Variants in ADAM2 observed in about 807,000 individuals in gnomAD.
ADAM2 encodes the protein ADAM metallopeptidase domain 2.
Under a neutral mutation model 99.3 loss-of-function variants are expected in ADAM2, and 101 were observed. The observed-to-expected ratio is 1.02, with a 90% CI of 0.87 to 1.20. The LOEUF (loss-of-function observed/expected upper bound fraction) is 1.20. ADAM2 is among the 50% of genes most tolerant of loss of function. ADAM2 has a pLI of 0.00. For missense variants in ADAM2, 948 were observed against 878.7 expected, an observed-to-expected ratio of 1.08 and a Z score of -1.00; for synonymous variants, 323 against 287.6, an observed-to-expected ratio of 1.12 and a Z score of -1.25.
intron 16 of ADAM2, among the ~76,000 whole-genome samples, chr8:39,751,016 C>A (rs1284193571): frequency 1.3e-5 from 2 of 152,146 alleles, no homozygotes; most frequent in Non-Finnish European, 2.9e-5. Flanking sequence ...TCATAACACA[C>A]TAACTTTTAA....
chr8:39,765,590 A>T (rs1031057851), intron 14 of ADAM2, among the ~76,000 whole-genome samples: 2 of 152,244 alleles, frequency 1.3e-5, no homozygotes, highest in African/African-American at 4.8e-5. Flanking sequence ...ATCAGTAATT[A>T]AAAAGTTTGT....
chr8:39,813,855 C>T (rs1361878730), intron 6 of ADAM2, among the ~76,000 whole-genome samples: 4 of 151,624 alleles, frequency 2.6e-5, no homozygotes, highest in Admixed American at 6.6e-5. Context: ...CAACATGGCA[C>T]GTGTATACAT....
intron 18 of ADAM2, among the ~76,000 whole-genome samples, chr8:39,746,889 T>A (rs1319006438): frequency 6.6e-6 from 1 of 152,208 alleles, no homozygotes; most frequent in African/African-American, 2.4e-5. Flanking sequence ...ATGAAGAATT[T>A]TTTTTGTGAT....
intron 6 of ADAM2, among the ~76,000 whole-genome samples, chr8:39,817,273 A>T (rs1031839186): frequency 2.6e-5 from 4 of 152,296 alleles, no homozygotes; most frequent in South Asian, 4.1e-4. Flanking sequence ...TAACCTTGGC[A>T]ACTAGAAAAG....
intron 7 of ADAM2, among the ~76,000 whole-genome samples, chr8:39,796,434 T>C (rs1803951043): frequency 6.6e-6 from 1 of 152,186 alleles, no homozygotes; most frequent in East Asian, 1.9e-4. Context: ...CTTTATCCAG[T>C]CTATTATTGA....
At chr8:39,793,461 T>G (rs904117178) in intron 7 of ADAM2, among the ~76,000 whole-genome samples, 1 of 152,126 alleles carries the variant, frequency 6.6e-6, no homozygotes, top group Non-Finnish European at 1.5e-5. Context: ...GTCTGCCCTA[T>G]TTATCCATTG....
chr8:39,821,470 A>C, intron 5 of ADAM2, 116 bp downstream of exon 5: 1 of 753,250 alleles, frequency 1.3e-6, no homozygotes, highest in Non-Finnish European at 2.1e-6. Context: ...TGTGAGTGGC[A>C]GTTTTCCACA....
At chr8:39,824,655 T>C (rs1221693155) in intron 4 of ADAM2, among the ~76,000 whole-genome samples, 164 bp downstream of exon 4, 4 of 152,204 alleles carry the variant, frequency 2.6e-5, no homozygotes, top group Admixed American at 2.0e-4. Flanking sequence ...ATCTGTTTAA[T>C]AGGGCTAACT....
chr8:39,837,474 C>G (rs1159811266), intron 1 of ADAM2, among the ~76,000 whole-genome samples: 1 of 151,968 alleles, frequency 6.6e-6, no homozygotes, highest in African/African-American at 2.4e-5. Flanking sequence ...GCAACCTCCG[C>G]CTCCCGGTTT....
chr8:39,769,855 G>A (rs1802710165), intron 11 of ADAM2, among the ~76,000 whole-genome samples: 1 of 152,056 alleles, frequency 6.6e-6, no homozygotes, highest in Non-Finnish European at 1.5e-5. Context: ...AGTGCCCCAT[G>A]CTGTTTCATT....
At chr8:39,769,643 C>A in intron 11 of ADAM2, 68 bp from the exon 12 acceptor site, 2 of 1,072,442 alleles carry the variant, frequency 1.9e-6, no homozygotes, top group Non-Finnish European at 2.7e-6. Context: ...TTAGAATAAA[C>A]CTATACAACA....
chr8:39,750,897 C>T (rs1034158509), intron 16 of ADAM2, among the ~76,000 whole-genome samples: 4 of 152,028 alleles, frequency 2.6e-5, no homozygotes, highest in African/African-American at 4.8e-5. Flanking sequence ...ATACTCAAAG[C>T]GACTAATGGT....
chr8:39,837,231 G>A lies in ADAM2; in HGVS notation c.56-19C>T, dbSNP rs768174067. On this transcript the variant is annotated intron_variant, in intron 1 of 20. Transcript: ENST00000265708. Reference sequence around the variant, plus strand: ...TCAAAATCTGCAAAATGTGCAAAATGTTTTATTAGAACAATGCCCATCATT... The same window carrying A: ...TCAAAATCTGCAAAATGTGCAAAATATTTTATTAGAACAATGCCCATCATT... The A allele has an allele frequency of 2.2e-5, 34 of 1,566,372 alleles. No individual in the cohort carries two copies. The highest frequency in any genetic ancestry group is 3.0e-5 in the Non-Finnish European group (34 of 1,142,494).
intron 14 of ADAM2, 83 bp from the exon 15 acceptor site, chr8:39,761,364 G>A (rs1486869836): frequency 3.1e-5 from 21 of 675,088 alleles, no homozygotes; most frequent in South Asian, 6.5e-5. Context: ...ATTCTGAAAG[G>A]GTTTAAGATA....
In ADAM2 at chr8:39,788,719, T is replaced by A. The variant is rs1241883428; in HGVS notation, c.592A>T (p.Thr198Ser). ...AAAACTTTTTGAGCGACAACAGTTG[T>A]ATCAGACCCCATATGATTATACTGT... ...KQLYNHMGSD[T>S]TVVAQKVFQL... Residue 198 changes from threonine to serine, a missense_variant, in exon 8 of 21, where the codon ACA becomes TCA. Coordinates refer to ENST00000265708, the MANE Select transcript of ADAM2 (RefSeq NM_001464.5). 6.4e-7 allele frequency: 1 copy of A among 1,569,820 alleles called. No individual in the cohort carries two copies. The highest frequency in any genetic ancestry group is 8.7e-7 in the Non-Finnish European group (1 of 1,152,022).
chr8:39,812,957 G>A (rs914920450), intron 6 of ADAM2, among the ~76,000 whole-genome samples: 1 of 152,178 alleles, frequency 6.6e-6, no homozygotes, highest in African/African-American at 2.4e-5. Context: ...CACAGCAAAA[G>A]AGACTACCAT....
At chr8:39,792,884 T>C (rs1359819178) in intron 7 of ADAM2, among the ~76,000 whole-genome samples, 3 of 152,248 alleles carry the variant, frequency 2.0e-5, no homozygotes, top group South Asian at 2.1e-4. Context: ...GGTTTAACTC[T>C]GAATTCAGTA....
chr8:39,756,706 G>A (rs1042442713), intron 15 of ADAM2, among the ~76,000 whole-genome samples: 3 of 152,170 alleles, frequency 2.0e-5, no homozygotes, highest in Non-Finnish European at 2.9e-5. Context: ...AGAAGACAAC[G>A]AAAATGGGCA....
At chr8:39,832,847 G>A (rs964807509) in intron 3 of ADAM2, among the ~76,000 whole-genome samples, 1 of 150,118 alleles carries the variant, frequency 6.7e-6, no homozygotes, top group Non-Finnish European at 1.5e-5. Flanking sequence ...TGTATGTAAG[G>A]TATATAGTAT....
Sources: allele counts gnomAD v4.1 joint callset (sites outside exome capture counted in the v4.1 genomes callset), GRCh38; gene constraint gnomAD v4.1.1; transcripts MANE v1.5; gene names NCBI Gene and HGNC (gene_info 2026-07-23, HGNC 2026-07-21).